The following SRGAP2B variants were observed in gnomAD, a reference collection of about 807,000 sequenced individuals.
SRGAP2B encodes SLIT-ROBO Rho GTPase activating protein 2B, also known as SLIT-ROBO Rho GTPase-activating protein 2B.
In SRGAP2B, 9 loss-of-function variants were observed where a neutral mutation model predicts 22.2. The observed-to-expected ratio is 0.41, with a 90% CI of 0.24 to 0.71. The LOEUF (loss-of-function observed/expected upper bound fraction) is 0.71. Among genes scored for constraint, SRGAP2B ranks in the 30% least tolerant of loss-of-function variants. The pLI is 0.35. For missense variants in SRGAP2B, 114 were observed against 235.8 expected, an observed-to-expected ratio of 0.48 and a Z score of 3.38; for synonymous variants, 36 against 87.4, an observed-to-expected ratio of 0.41 and a Z score of 3.28.
chr1:144,984,457 CTCTT>C (rs1339608767), intron 3 of SRGAP2B, among the ~76,000 whole-genome samples: 4 of 149,442 alleles, frequency 2.7e-5, no homozygotes, highest in African/African-American at 7.6e-5. Flanking sequence ...CTTTACAGAC[CTCTT>C]TCTTTTATGG....
At chr1:145,017,419 G>A (rs1376471253) in intron 2 of SRGAP2B, among the ~76,000 whole-genome samples, 1 of 145,018 alleles carries the variant, frequency 6.9e-6, no homozygotes, top group Non-Finnish European at 1.5e-5. Context: ...TTGACTGGAT[G>A]AACCTGATTC....
At chr1:145,016,842 GT>G (rs879983068) in intron 2 of SRGAP2B, among the ~76,000 whole-genome samples, 32 of 140,764 alleles carry the variant, frequency 2.3e-4, no homozygotes, top group Middle Eastern at 3.7e-3. Flanking sequence ...AAGCACTCAA[GT>G]TTTTTTTTTT....
At chr1:144,945,728 T>C (rs1445132349) in intron 4 of SRGAP2B, among the ~76,000 whole-genome samples, 1 of 142,852 alleles carries the variant, frequency 7.0e-6, no homozygotes, top group Non-Finnish European at 1.5e-5. Context: ...GAATTACATA[T>C]TCAAGTTGTT....
rs1181052081 is a variant in SRGAP2B, at chr1:144,956,413, A to C, written c.261-812T>G. Among the ~76,000 whole-genome samples the C allele has an allele frequency of 1.3e-4, 18 of 140,432 alleles. No individual in the cohort carries two copies. The Admixed American group carries it at 1.3e-3, about 10-fold the overall frequency. The allele number at this position is 140,432 out of a possible 152,430, so 92.1% of individuals were successfully genotyped here. A position where few individuals can be genotyped will look rare whatever the true frequency, so the allele number is the denominator to read the frequency against. On this transcript the variant is annotated intron_variant, in intron 3 of 9. Coordinates refer to ENST00000612199, the Ensembl canonical transcript of SRGAP2B. ...TGTCTACAGCTTGAGTGGAGCAGTA[A>C]AGTGCTAAACCAAGGTGCTCATTCC...
At chr1:145,082,161 A>G (rs1191270431) in intron 2 of SRGAP2B, among the ~76,000 whole-genome samples, 1 of 148,928 alleles carries the variant, frequency 6.7e-6, no homozygotes, top group South Asian at 2.1e-4. Context: ...ACATGCCCCA[A>G]CTGTTTTTCC....
chr1:145,089,181 GA>G (rs1653737694), intron 2 of SRGAP2B, among the ~76,000 whole-genome samples: 1 of 150,836 alleles, frequency 6.6e-6, no homozygotes, highest in Non-Finnish European at 1.5e-5. Context: ...TGAGGATACT[GA>G]CGGACAACTA....
At position 145,075,955 on chromosome 1, in the gene SRGAP2B, G is replaced by T. The variant is rs868916870; in HGVS notation, c.67+16880C>A. Reference sequence around the variant, plus strand: ...ATACAAAAATTGGCCCAGCGTGGTGGCACGCACCTATAATCCCAGTTACTT... The same window carrying T: ...ATACAAAAATTGGCCCAGCGTGGTGTCACGCACCTATAATCCCAGTTACTT... On this transcript the variant is annotated intron_variant, in intron 2 of 9. Coordinates refer to ENST00000612199, the Ensembl canonical transcript of SRGAP2B. 8.7e-5 allele frequency among the ~76,000 whole-genome samples: 13 copies of T among 149,692 alleles called. 1 individual carries two copies. The highest frequency in any genetic ancestry group is 3.0e-4 in the African/African-American group (12 of 39,854).
chr1:145,021,809 C>A (rs587771759), intron 2 of SRGAP2B, among the ~76,000 whole-genome samples: 1 of 140,292 alleles, frequency 7.1e-6, no homozygotes. Flanking sequence ...AGCAAAACTC[C>A]GTCTCAAAAA....
intron 2 of SRGAP2B, among the ~76,000 whole-genome samples, chr1:145,013,034 G>A (rs1482790145): frequency 1.3e-5 from 2 of 150,398 alleles, no homozygotes; most frequent in Non-Finnish European, 2.9e-5. Flanking sequence ...ACTGAGCCGA[G>A]ATCACACCGC....
At chr1:144,909,087 T>C (rs1401052305) in intron 5 of SRGAP2B, among the ~76,000 whole-genome samples, 1 of 148,142 alleles carries the variant, frequency 6.8e-6, no homozygotes, top group Non-Finnish European at 1.5e-5. Flanking sequence ...CTAAAATGAT[T>C]ATCATTTAGG....
At chr1:144,965,205 G>A (rs1262340870) in intron 3 of SRGAP2B, 39 of 976,386 alleles carry the variant, frequency 4.0e-5, no homozygotes, top group Admixed American at 5.6e-5. Flanking sequence ...CAGCTCCAGC[G>A]TGAGCGACAC....
intron 3 of SRGAP2B, among the ~76,000 whole-genome samples, chr1:144,980,987 TA>T (rs1669287024): frequency 6.9e-6 from 1 of 144,426 alleles, no homozygotes; most frequent in Non-Finnish European, 1.5e-5. Flanking sequence ...AATGGGGTGC[TA>T]TTTTTAAATT....
rs1647260191 is a variant in SRGAP2B, at chr1:145,022,498, T to C, written c.68-27298A>G. 7.3e-5 allele frequency among the ~76,000 whole-genome samples: 10 copies of C among 136,428 alleles called. No homozygotes were observed. In the South Asian group the frequency reaches 2.2e-3, roughly 29 times the overall value. The allele number at this position is 136,428 out of a possible 152,430, so 89.5% of individuals were successfully genotyped here. On this transcript the variant is annotated intron_variant, in intron 2 of 9. Coordinates refer to ENST00000612199, the Ensembl canonical transcript of SRGAP2B. ...TGACCAAGCTTTCCTGCTTACCTCCTGCCATCTGCAAAATTAAATTAAATG... is the reference window on the plus strand; with the variant it reads ...TGACCAAGCTTTCCTGCTTACCTCCCGCCATCTGCAAAATTAAATTAAATG...
At chr1:144,975,713 G>A (rs1443414623) in intron 3 of SRGAP2B, among the ~76,000 whole-genome samples, 2 of 149,498 alleles carry the variant, frequency 1.3e-5, no homozygotes, top group Non-Finnish European at 2.9e-5. Flanking sequence ...TTCTGTTATG[G>A]CGACATAAAA....
chr1:145,005,545 AC>A (rs1490164750), intron 2 of SRGAP2B, among the ~76,000 whole-genome samples: 3 of 147,098 alleles, frequency 2.0e-5, no homozygotes, highest in Non-Finnish European at 3.0e-5. Context: ...AGAAGGACAA[AC>A]AAAAATGATT....
At chr1:144,971,756 C>G (rs1375381305) in intron 3 of SRGAP2B, among the ~76,000 whole-genome samples, 4 of 150,766 alleles carry the variant, frequency 2.7e-5, no homozygotes, top group Admixed American at 6.6e-5. Flanking sequence ...AATTTCAGAG[C>G]TAGAAGGGAC....
At chr1:144,955,091 T>C (rs1404611439) in intron 4 of SRGAP2B, among the ~76,000 whole-genome samples, 2 of 150,270 alleles carry the variant, frequency 1.3e-5, no homozygotes. Context: ...GTTTATACCT[T>C]GCAAATGGTT....
chr1:144,956,439 CTTTTTTT>C (rs3069132), intron 3 of SRGAP2B, among the ~76,000 whole-genome samples: 1 of 95,388 alleles, frequency 1.0e-5, no homozygotes, highest in Non-Finnish European at 2.1e-5. Context: ...TGCTCATTCC[CTTTTTTT>C]TTTTTTTTTT....
At chr1:144,923,093 T>A (rs1178430946) in intron 4 of SRGAP2B, among the ~76,000 whole-genome samples, 1 of 150,292 alleles carries the variant, frequency 6.7e-6, no homozygotes, top group Non-Finnish European at 1.5e-5. Context: ...CAGGGTGGGG[T>A]CAGGAAGAGG....
Sources: gnomAD v4.1 joint callset for allele counts (sites outside exome capture counted in the v4.1 genomes callset) on GRCh38, gnomAD v4.1.1 for gene constraint, MANE v1.5 for transcripts, NCBI Gene and HGNC (gene_info 2026-07-23, HGNC 2026-07-21) for gene names.